NTNG1: variants seen among roughly 807,000 people sequenced by gnomAD.
NTNG1 encodes the protein netrin G1.
In NTNG1, 16 loss-of-function variants were observed where a neutral mutation model predicts 54.0. The ratio of observed to expected loss-of-function variants is 0.30; its 90% CI spans 0.20 to 0.45. The LOEUF (loss-of-function observed/expected upper bound fraction) is 0.45, where lower values mean the gene tolerates loss of function less well. NTNG1 is among the 20% of genes least tolerant of loss of function. The probability of loss-of-function intolerance (pLI) is 1.00; values close to 1 mark genes in which losing one functional copy is unlikely to be tolerated. For synonymous variants in NTNG1, 255 were observed against 263.1 expected, an observed-to-expected ratio of 0.97 and a Z score of 0.30; for missense variants, 530 against 678.7, an observed-to-expected ratio of 0.78 and a Z score of 2.43.
chr1:107,476,664 G>A (rs1056427603), intron 7 of NTNG1, among the ~76,000 whole-genome samples: 3 of 151,826 alleles, frequency 2.0e-5, no homozygotes, highest in Admixed American at 6.6e-5. Context: ...TTCTAACCTC[G>A]TCCAAGTCCA....
intron 2 of NTNG1, among the ~76,000 whole-genome samples, chr1:107,319,863 G>GTT (rs143056645): frequency 6.3e-4 from 48 of 76,326 alleles, no homozygotes; most frequent in Non-Finnish European, 8.4e-4. Context: ...CTTACCTGAG[G>GTT]TTTATATATA....
rs564292011 is a variant in NTNG1 at position 107,401,386 on chromosome 1, C to CTAT, written c.1060+6062_1060+6064dup. On this transcript the variant is annotated intron_variant, in intron 4 of 7. Transcript: ENST00000370068. ...AAGTTATTCAGGTACAACCACTGAT[C>CTAT]TATTGTCTGTGGTCCCTCATCTGAC... is the stretch of plus-strand genomic sequence containing the variant. Among the ~76,000 whole-genome samples, 34 of 152,264 alleles carry CTAT rather than the reference C, an allele frequency of 2.2e-4. No individual in the cohort carries two copies. The South Asian group carries it at 6.2e-3, about 28-fold the overall frequency.
intron 1 of NTNG1, among the ~76,000 whole-genome samples, chr1:107,143,730 G>C (rs1653907326): frequency 6.6e-6 from 1 of 151,230 alleles, no homozygotes; most frequent in African/African-American, 2.4e-5. Flanking sequence ...ATATGCGTTT[G>C]AGACCTTAGA....
chr1:107,291,104 C>T (rs775107455), intron 2 of NTNG1, among the ~76,000 whole-genome samples: 1 of 151,498 alleles, frequency 6.6e-6, no homozygotes, highest in African/African-American at 2.4e-5. Flanking sequence ...ACCTCTGCCA[C>T]CTCTGAGACA....
intron 2 of NTNG1, among the ~76,000 whole-genome samples, chr1:107,254,200 T>C (rs1408356067): frequency 1.3e-5 from 2 of 152,222 alleles, no homozygotes; most frequent in Non-Finnish European, 2.9e-5. Context: ...CCTACAGTGG[T>C]GGCTAGAGTA....
chr1:107,344,972 G>A (rs1267931461), intron 3 of NTNG1, among the ~76,000 whole-genome samples: 2 of 152,134 alleles, frequency 1.3e-5, no homozygotes, highest in Admixed American at 1.3e-4. Flanking sequence ...TGAAAACTAT[G>A]TAGTTTATTT....
intron 7 of NTNG1, among the ~76,000 whole-genome samples, chr1:107,473,515 G>C (rs548447572): frequency 6.6e-6 from 1 of 152,108 alleles, no homozygotes; most frequent in South Asian, 2.1e-4. Flanking sequence ...AGGAATCAAG[G>C]TCTCGTAAGT....
At chr1:107,451,995 T>C (rs903740318) in intron 7 of NTNG1, among the ~76,000 whole-genome samples, 1 of 152,146 alleles carries the variant, frequency 6.6e-6, no homozygotes, top group Non-Finnish European at 1.5e-5. Flanking sequence ...TGTAGTGGTT[T>C]GAATCCTGGC....
chr1:107,386,969 C>T (rs1285884579), intron 3 of NTNG1, among the ~76,000 whole-genome samples: 1 of 152,194 alleles, frequency 6.6e-6, no homozygotes, highest in Non-Finnish European at 1.5e-5. Context: ...GTCTCATTGT[C>T]ATTTTGATTT....
At chr1:107,410,957 G>A (rs1005272525) in intron 5 of NTNG1, among the ~76,000 whole-genome samples, 3 of 152,112 alleles carry the variant, frequency 2.0e-5, no homozygotes, top group African/African-American at 7.2e-5. Flanking sequence ...TGAGTCAGAG[G>A]TTAAAGTTAA....
At chr1:107,271,292 G>A (rs908858081) in intron 2 of NTNG1, among the ~76,000 whole-genome samples, 1 of 152,044 alleles carries the variant, frequency 6.6e-6, no homozygotes, top group Non-Finnish European at 1.5e-5. Context: ...CTGCTGTGCT[G>A]CACCCATTAA....
intron 7 of NTNG1, among the ~76,000 whole-genome samples, chr1:107,474,913 C>A (rs141736248): frequency 1.3e-5 from 2 of 152,160 alleles, no homozygotes; most frequent in African/African-American, 4.8e-5. Context: ...AGAGAACACA[C>A]GTTCTGTACA....
At chr1:107,215,440 G>A (rs1434118149) in intron 2 of NTNG1, among the ~76,000 whole-genome samples, 1 of 152,126 alleles carries the variant, frequency 6.6e-6, no homozygotes, top group Non-Finnish European at 1.5e-5. Flanking sequence ...TCAGTTGACT[G>A]TAAGTGTTTG....
intron 5 of NTNG1, among the ~76,000 whole-genome samples, chr1:107,423,497 C>T (rs4915043): frequency 0.26 from 40,184 of 151,904 alleles, 5,772 homozygotes; most frequent in Non-Finnish European, 0.3. Flanking sequence ...AGGCCTGGAT[C>T]GCATTCCCTT....
chr1:107,325,111 C>G (rs919762368), intron 3 of NTNG1, among the ~76,000 whole-genome samples, 189 bp downstream of exon 3: 2 of 152,126 alleles, frequency 1.3e-5, no homozygotes, highest in East Asian at 3.9e-4. Context: ...TAATCCCAAA[C>G]TTGCTGTCCC....
At chr1:107,324,951 G>T (rs1667863979) in intron 3 of NTNG1, 29 bp downstream of exon 3, 1 of 1,577,634 alleles carries the variant, frequency 6.3e-7, no homozygotes, top group Non-Finnish European at 8.6e-7. Flanking sequence ...GCCTTCAATG[G>T]GAACGGGTGT....
intron 2 of NTNG1, among the ~76,000 whole-genome samples, chr1:107,306,458 G>A (rs1666702393): frequency 6.6e-6 from 1 of 152,130 alleles, no homozygotes; most frequent in Non-Finnish European, 1.5e-5. Context: ...TGACAAAAGA[G>A]TGGAAGTGGA....
intron 7 of NTNG1, among the ~76,000 whole-genome samples, chr1:107,450,860 C>G (rs1349829542): frequency 1.3e-5 from 2 of 152,024 alleles, no homozygotes; most frequent in African/African-American, 4.8e-5. Flanking sequence ...AAATACCTGC[C>G]TACTGGAAGG....
intron 2 of NTNG1, among the ~76,000 whole-genome samples, chr1:107,304,425 A>G (rs1388293506): frequency 6.6e-6 from 1 of 152,184 alleles, no homozygotes; most frequent in Non-Finnish European, 1.5e-5. Context: ...GGCCAAATAC[A>G]TGAATTCTTC....
Sources: gnomAD v4.1 joint callset for allele counts (sites outside exome capture counted in the v4.1 genomes callset) on GRCh38, gnomAD v4.1.1 for gene constraint, MANE v1.5 for transcripts, NCBI Gene and HGNC (gene_info 2026-07-23, HGNC 2026-07-21) for gene names.